IP6K1: variants seen among roughly 807,000 people sequenced by gnomAD.
IP6K1 encodes the protein inositol hexakisphosphate kinase 1.
In IP6K1, 13 loss-of-function variants were observed where a neutral mutation model predicts 38.3. The observed-to-expected ratio is 0.34, with a 90% CI of 0.22 to 0.54. The LOEUF is 0.54. IP6K1 is among the 20% of genes least tolerant of loss of function. The probability of loss-of-function intolerance (pLI) is 0.92; values close to 1 mark genes in which losing one functional copy is unlikely to be tolerated. For missense variants in IP6K1, 397 were observed against 599.8 expected (o/e 0.66, Z 3.53); for synonymous variants, 212 against 229.9 (o/e 0.92, Z 0.70).
intron 1 of IP6K1, among the ~76,000 whole-genome samples, chr3:49,777,705 G>C (rs1468136380): frequency 6.6e-6 from 1 of 151,662 alleles, no homozygotes; most frequent in African/African-American, 2.4e-5. Flanking sequence ...ACAAGGTCAG[G>C]AGATCGAGAC....
chr3:49,756,592 T>A (rs902174381), intron 1 of IP6K1, among the ~76,000 whole-genome samples: 1 of 151,446 alleles, frequency 6.6e-6, no homozygotes, highest in Non-Finnish European at 1.5e-5. Context: ...CCAAGGCGGG[T>A]GGATCACCTG....
At chr3:49,772,314 TTA>T (rs939220566) in intron 1 of IP6K1, among the ~76,000 whole-genome samples, 5 of 147,564 alleles carry the variant, frequency 3.4e-5, no homozygotes, top group African/African-American at 1.2e-4. Flanking sequence ...TTAATATATT[TTA>T]TATATATAAT....
intron 1 of IP6K1, among the ~76,000 whole-genome samples, chr3:49,765,902 C>T (rs1045313799): frequency 3.9e-5 from 6 of 151,970 alleles, no homozygotes; most frequent in Middle Eastern, 3.4e-3. Flanking sequence ...CAAAGCCAGG[C>T]GCGGTGGCTC....
At chr3:49,762,769 T>C (rs1196622065) in intron 1 of IP6K1, among the ~76,000 whole-genome samples, 3 of 129,420 alleles carry the variant, frequency 2.3e-5, no homozygotes, top group Admixed American at 2.2e-4. Context: ...TTTTACGAGG[T>C]CAATTATTGC....
chr3:49,772,336 G>C (rs918193714), intron 1 of IP6K1, among the ~76,000 whole-genome samples: 1 of 146,384 alleles, frequency 6.8e-6, no homozygotes, highest in Non-Finnish European at 1.5e-5. Flanking sequence ...TATATAGGAA[G>C]ACTATATAAT....
Position 49,728,262 on chromosome 3 carries a change from C to T in IP6K1, c.633G>A (p.Glu211=), listed in dbSNP as rs749419986. 1 of 1,613,354 alleles carries T rather than the reference C, an allele frequency of 6.2e-7. No individual in the cohort carries two copies. The highest frequency in any genetic ancestry group is 8.5e-7 in the Non-Finnish European group (1 of 1,179,436). The part of the protein sequence containing the change: ...DRKLYKFLLL[E]NVVHHFKYPC... ...GGTACTTGAAGTGGTGCACCACGTTCTCAAGCAGGAGGAACTCTGGGCCAC... is the reference window on the plus strand; with the variant it reads ...GGTACTTGAAGTGGTGCACCACGTTTTCAAGCAGGAGGAACTCTGGGCCAC... The change falls in exon 5 of 6, where the codon GAG becomes GAA. Residue 211 remains glutamate, a synonymous_variant. Transcript: ENST00000321599.
At chr3:49,772,304 TTAATA>T (rs1016949169) in intron 1 of IP6K1, among the ~76,000 whole-genome samples, 19 of 147,688 alleles carry the variant, frequency 1.3e-4, no homozygotes, top group African/African-American at 3.7e-4. Flanking sequence ...CCTTTTTAAC[TTAATA>T]TATTTTATAT....
At chr3:49,755,964 C>T (rs957809767) in intron 1 of IP6K1, among the ~76,000 whole-genome samples, 3 of 152,160 alleles carry the variant, frequency 2.0e-5, no homozygotes, top group Non-Finnish European at 4.4e-5. Flanking sequence ...AGAAGGGAAA[C>T]ATAGGGAGTG....
intron 3 of IP6K1, among the ~76,000 whole-genome samples, 182 bp downstream of exon 3, chr3:49,738,030 C>T (rs1388692507): frequency 6.6e-6 from 1 of 152,196 alleles, no homozygotes; most frequent in Non-Finnish European, 1.5e-5. Flanking sequence ...TACAGCTATA[C>T]CCAGAAAGAG....
intron 2 of IP6K1, among the ~76,000 whole-genome samples, chr3:49,747,169 AC>A (rs1300526235): frequency 6.6e-6 from 1 of 152,188 alleles, no homozygotes; most frequent in African/African-American, 2.4e-5. Context: ...AAATCATACA[AC>A]TTAAAGTTAT....
At chr3:49,731,754 G>T (rs2080563275) in intron 4 of IP6K1, among the ~76,000 whole-genome samples, 1 of 151,940 alleles carries the variant, frequency 6.6e-6, no homozygotes, top group Non-Finnish European at 1.5e-5. Context: ...TGGGCGTGGT[G>T]GCGCACGCCT....
rs998269465 is a variant in IP6K1, at chr3:49,724,730, C to T, written c.*2392G>A. On this transcript the variant is annotated 3_prime_UTR_variant, in exon 6 of 6. Coordinates refer to ENST00000321599, the MANE Select transcript of IP6K1 (RefSeq NM_153273.4). Reference sequence around the variant, plus strand: ...CGTAACTAGCACAGGTGCCAGGCCCCTTGATGGGAATCCCCATGCTCACTG... The same window carrying T: ...CGTAACTAGCACAGGTGCCAGGCCCTTTGATGGGAATCCCCATGCTCACTG... 6.5e-6 allele frequency: 1 copy of T among 152,678 alleles called. No homozygotes were observed. The highest frequency in any genetic ancestry group is 2.4e-5 in the African/African-American group (1 of 41,460). 9.5% of individuals were successfully genotyped at this position (152,678 alleles called of 1,614,324 possible).
rs771021875 is a variant in IP6K1, at chr3:49,728,271, G to A, written c.624C>T (p.Leu208=). 1.2e-6 allele frequency: 2 copies of A among 1,612,706 alleles called. No homozygotes were observed. Among genetic ancestry groups the A allele is most frequent in the Admixed American group, 1.7e-5 (1 of 60,010 alleles). The change falls in exon 5 of 6, where the codon CTC becomes CTT. Residue 208 remains leucine (L), a synonymous_variant. Transcript: ENST00000321599. ...AGTGGTGCACCACGTTCTCAAGCAG[G>A]AGGAACTCTGGGCCACGGTCAAGGA... ...ESKDRKLYKF[L]LLENVVHHFK... is the part of the protein sequence containing the mutation.
chr3:49,736,254 G>A (rs1376746174), intron 3 of IP6K1, among the ~76,000 whole-genome samples: 1 of 152,014 alleles, frequency 6.6e-6, no homozygotes, highest in Admixed American at 6.6e-5. Context: ...TTACAATTCT[G>A]TGGTTTTTTA....
At chr3:49,744,895 A>G (rs1192537216) in intron 2 of IP6K1, among the ~76,000 whole-genome samples, 1 of 152,242 alleles carries the variant, frequency 6.6e-6, no homozygotes, top group Non-Finnish European at 1.5e-5. Flanking sequence ...ATAATATTTC[A>G]TATCTTGGCA....
chr3:49,733,658 AG>A (rs2080582370), intron 3 of IP6K1, among the ~76,000 whole-genome samples: 2 of 152,376 alleles, frequency 1.3e-5, no homozygotes, highest in South Asian at 4.1e-4. Flanking sequence ...CAGACACAAA[AG>A]GATAAATATT....
chr3:49,766,825 C>T (rs763653938), intron 1 of IP6K1, among the ~76,000 whole-genome samples: 83 of 144,052 alleles, frequency 5.8e-4, no homozygotes, highest in Middle Eastern at 7.9e-3. Context: ...AATTAGCGGG[C>T]ATGGTGGTGG....
intron 1 of IP6K1, among the ~76,000 whole-genome samples, chr3:49,762,757 T>C (rs191321825): frequency 6.8e-6 from 1 of 147,942 alleles, no homozygotes; most frequent in East Asian, 1.9e-4. Context: ...GTTCCCAACT[T>C]GTTTTACGAG....
At chr3:49,780,221 G>T (rs574735143) in intron 1 of IP6K1, among the ~76,000 whole-genome samples, 1 of 151,536 alleles carries the variant, frequency 6.6e-6, no homozygotes, top group South Asian at 2.1e-4. Flanking sequence ...AAGTGAACAT[G>T]TGTTCCCATC....
Sources: gnomAD v4.1 joint callset for allele counts (sites outside exome capture counted in the v4.1 genomes callset) on GRCh38, gnomAD v4.1.1 for gene constraint, MANE v1.5 for transcripts, NCBI Gene and HGNC (gene_info 2026-07-23, HGNC 2026-07-21) for gene names.